DBF4: variants seen among roughly 807,000 people sequenced by gnomAD.
DBF4 encodes the protein protein DBF4 homolog A.
A neutral mutation model predicts 76.6 loss-of-function variants in DBF4; 25 were observed. The ratio of observed to expected loss-of-function variants is 0.33; its 90% confidence interval spans 0.24 to 0.46. The LOEUF (loss-of-function observed/expected upper bound fraction) is 0.46. Ranked by LOEUF, DBF4 falls within the 20% of genes least tolerant of loss-of-function variation. The probability of loss-of-function intolerance (pLI) is 1.00; values close to 1 mark genes in which losing one functional copy is unlikely to be tolerated. For synonymous variants in DBF4, 213 were observed against 258.0 expected (o/e 0.83, Z 1.67); for missense variants, 638 against 760.8 (o/e 0.84, Z 1.90).
intron 11 of DBF4, 92 bp from the exon 12 acceptor site, chr7:87,907,096 T>C (rs1839929423): frequency 1.6e-6 from 2 of 1,219,938 alleles, no homozygotes; most frequent in East Asian, 2.7e-5. Context: ...TTAAAGATTA[T>C]ATAATGTTTT....
At chr7:87,877,103 C>T (rs1839077081) in intron 1 of DBF4, among the ~76,000 whole-genome samples, 1 of 152,220 alleles carries the variant, frequency 6.6e-6, no homozygotes, top group South Asian at 2.1e-4. Context: ...CTCGCATATG[C>T]TAAGCCTCCG....
At position 87,876,569 on chromosome 7, in the gene DBF4, C is replaced by G. The variant is rs896305256; in HGVS notation, c.-164C>G. 1.9e-5 allele frequency: 14 copies of G among 727,412 alleles called. No individual in the cohort carries two copies. The highest frequency in any genetic ancestry group is 7.0e-5 in the African/African-American group (4 of 56,814). The allele number at this position is 727,412 out of a possible 1,614,324, so 45.1% of individuals were successfully genotyped here. A position where few individuals can be genotyped will look rare whatever the true frequency, so the allele number is the denominator to read the frequency against. On this transcript the variant is annotated 5_prime_UTR_variant, in exon 1 of 12. Transcript: ENST00000265728. Reference sequence around the variant, plus strand: ...CGCGCCTTGGAGCCGGATCCGGCCCCGGAAACCCGACCTGCAGACGCGGTA... The same window carrying G: ...CGCGCCTTGGAGCCGGATCCGGCCCGGGAAACCCGACCTGCAGACGCGGTA...
chr7:87,897,405 T>TCGAGC, intron 8 of DBF4, 66 bp downstream of exon 8: 3 of 1,456,268 alleles, frequency 2.1e-6, no homozygotes, highest in Non-Finnish European at 2.9e-6. Flanking sequence ...ACCTAACTAA[T>TCGAGC]TAGGCTAGCT....
At chr7:87,882,515 A>G (rs1839241280) in intron 2 of DBF4, among the ~76,000 whole-genome samples, 1 of 152,244 alleles carries the variant, frequency 6.6e-6, no homozygotes, top group South Asian at 2.1e-4. Flanking sequence ...GGACATTTTC[A>G]GGAGTGAAAG....
chr7:87,903,298 C>T (rs747383432), intron 10 of DBF4, among the ~76,000 whole-genome samples: 1 of 152,114 alleles, frequency 6.6e-6, no homozygotes, highest in Non-Finnish European at 1.5e-5. Flanking sequence ...CAGGAGGTCT[C>T]GAACTCCTGA....
At chr7:87,884,575 A>G (rs571775944) in intron 2 of DBF4, among the ~76,000 whole-genome samples, 5 of 152,354 alleles carry the variant, frequency 3.3e-5, no homozygotes, top group African/African-American at 1.2e-4. Flanking sequence ...AGGCTGTTCC[A>G]TAGATTAAGT....
Position 87,876,639 on chromosome 7 carries a change from C to A in DBF4, c.-94C>A, listed in dbSNP as rs1839045836. 10 of 1,398,740 alleles carry A rather than the reference C, an allele frequency of 7.1e-6. No homozygotes were observed. The highest frequency in any genetic ancestry group is 1.4e-5 in the African/African-American group (1 of 70,464). 86.6% of individuals were successfully genotyped at this position (1,398,740 alleles called of 1,614,324 possible). ...GTAGCTGGCGGAAGGAGAGAGGCGG[C>A]CGTCCTGTCAACAGGCCGGGGGAAG... On this transcript the variant is annotated 5_prime_UTR_variant, in exon 1 of 12. Coordinates refer to ENST00000265728, the MANE Select transcript of DBF4 (RefSeq NM_006716.4).
intron 2 of DBF4, among the ~76,000 whole-genome samples, chr7:87,884,250 G>C (rs1025783742): frequency 6.6e-6 from 1 of 152,182 alleles, no homozygotes; most frequent in Non-Finnish European, 1.5e-5. Flanking sequence ...GCTTGAGCTA[G>C]GCGCAGTAGT....
chr7:87,901,494 C>T (rs1839788301), intron 10 of DBF4, among the ~76,000 whole-genome samples: 2 of 152,068 alleles, frequency 1.3e-5, no homozygotes, highest in South Asian at 4.1e-4. Context: ...TTGGATGTTG[C>T]AAGTGAGGGA....
At chr7:87,879,450 C>G (rs556142585) in intron 2 of DBF4, among the ~76,000 whole-genome samples, 1 of 152,232 alleles carries the variant, frequency 6.6e-6, no homozygotes, top group East Asian at 1.9e-4. Flanking sequence ...GTCATGTTTT[C>G]TAGGCCTGCC....
rs1470523730 is a variant in DBF4 at position 87,908,591 on chromosome 7, A to G, written c.*428A>G. On this transcript the variant is annotated 3_prime_UTR_variant, in exon 12 of 12. Coordinates refer to ENST00000265728, the MANE Select transcript of DBF4 (RefSeq NM_006716.4). Reference sequence around the variant, plus strand: ...ATACAGAAAGGAAAAATACATTTCTATGCTTGAATTCTGGAAATCATCAGA... The same window carrying G: ...ATACAGAAAGGAAAAATACATTTCTGTGCTTGAATTCTGGAAATCATCAGA... 2 of 154,322 alleles carry G rather than the reference A, an allele frequency of 1.3e-5. No homozygotes were observed. Among genetic ancestry groups the G allele is most frequent in the Non-Finnish European group, 2.9e-5 (2 of 69,652 alleles). The allele number at this position is 154,322 out of a possible 1,614,324, so 9.6% of individuals were successfully genotyped here.
At chr7:87,877,644 G>T (rs1839101412) in intron 1 of DBF4, among the ~76,000 whole-genome samples, 1 of 152,186 alleles carries the variant, frequency 6.6e-6, no homozygotes. Context: ...AGGTTATTCT[G>T]CGTAACAGAG....
At chr7:87,897,377 A>C in intron 8 of DBF4, 38 bp downstream of exon 8, 1 of 1,588,194 alleles carries the variant, frequency 6.3e-7, no homozygotes, top group Non-Finnish European at 8.6e-7. Context: ...TTTAAGTGCA[A>C]TACTAAAGAG....
At chr7:87,905,043 C>G (rs1839884998) in intron 11 of DBF4, among the ~76,000 whole-genome samples, 1 of 152,134 alleles carries the variant, frequency 6.6e-6, no homozygotes, top group Non-Finnish European at 1.5e-5. Context: ...CTCTGCCTCC[C>G]AGGTACAAAA....
chr7:87,904,433 A>G lies in DBF4; in HGVS notation c.1049+17A>G, dbSNP rs1357604558. 3.7e-6 allele frequency: 6 copies of G among 1,607,262 alleles called. No individual in the cohort carries two copies. Among genetic ancestry groups the G allele is most frequent in the South Asian group, 2.2e-5 (2 of 90,422 alleles). ...AAAGAAAAGGTAATTAGTTTTATCA[A>G]CCTAAGTTTTAAATTCTACTAGGCG... On this transcript the variant is annotated intron_variant, in intron 11 of 11. Coordinates refer to ENST00000265728, the MANE Select transcript of DBF4 (RefSeq NM_006716.4).
intron 11 of DBF4, 119 bp from the exon 12 acceptor site, chr7:87,907,069 T>C: frequency 9.2e-7 from 1 of 1,088,756 alleles, no homozygotes; most frequent in Non-Finnish European, 1.2e-6. Context: ...TAAAATTTCC[T>C]AAGTTAAATA....
chr7:87,888,452 G>A, intron 6 of DBF4: 1 of 449,416 alleles, frequency 2.2e-6, no homozygotes, highest in Non-Finnish European at 2.9e-6. Flanking sequence ...TCTCGTTTTA[G>A]CATAGCTAAC....
rs528997350 is a variant in DBF4, at chr7:87,903,655, C to CCAAA, written c.925-636_925-633dup. Among the ~76,000 whole-genome samples, 9 of 149,054 alleles carry CCAAA rather than the reference C, an allele frequency of 6.0e-5. No individual in the cohort carries two copies. The South Asian group carries it at 1.7e-3, about 28-fold the overall frequency. On this transcript the variant is annotated intron_variant, in intron 10 of 11. Transcript: ENST00000265728. Reference sequence around the variant, plus strand: ...AAAGTAATAGAGGGAAATGTGTTTTCCAAAATGTTACTGTTGTCTCTCTCT... The same window carrying CCAAA: ...AAAGTAATAGAGGGAAATGTGTTTTCCAAACAAAATGTTACTGTTGTCTCTCTCT...
intron 6 of DBF4, among the ~76,000 whole-genome samples, chr7:87,889,926 A>C (rs1311648069): frequency 1.3e-5 from 2 of 152,226 alleles, no homozygotes; most frequent in African/African-American, 4.8e-5. Flanking sequence ...ATATAAGTGG[A>C]TATTCCTGTA....
Sources: gnomAD v4.1 joint callset for allele counts (sites outside exome capture counted in the v4.1 genomes callset) on GRCh38, gnomAD v4.1.1 for gene constraint, MANE v1.5 for transcripts, NCBI Gene and HGNC (gene_info 2026-07-23, HGNC 2026-07-21) for gene names.